Variants in CDKAL1 observed in about 807,000 individuals in gnomAD.
The protein encoded by CDKAL1 is threonylcarbamoyladenosine tRNA methylthiotransferase.
CDKAL1 carries 32 observed loss-of-function variants against 68.2 expected under a neutral mutation model. The ratio of observed to expected loss-of-function variants is 0.47; its 90% CI spans 0.35 to 0.63. CDKAL1 has a LOEUF of 0.63. Ranked by LOEUF, CDKAL1 falls within the 30% of genes least tolerant of loss-of-function variation. The pLI is 0.00. For synonymous variants in CDKAL1, 234 were observed against 244.3 expected, an observed-to-expected ratio of 0.96 and a Z score of 0.39; for missense variants, 606 against 696.7, an observed-to-expected ratio of 0.87 and a Z score of 1.47.
intron 4 of CDKAL1, among the ~76,000 whole-genome samples, chr6:20,563,160 G>C (rs1382367605): frequency 1.3e-5 from 2 of 152,156 alleles, no homozygotes; most frequent in Non-Finnish European, 2.9e-5. Context: ...ATTGCAGTTT[G>C]AGTAAAATTC....
At chr6:21,081,693 T>C (rs1261698185) in intron 12 of CDKAL1, among the ~76,000 whole-genome samples, 2 of 151,186 alleles carry the variant, frequency 1.3e-5, no homozygotes, top group Non-Finnish European at 2.9e-5. Context: ...TGCCTCAGCC[T>C]CCCAAGTAGC....
intron 13 of CDKAL1, among the ~76,000 whole-genome samples, chr6:21,126,512 C>T (rs943074415): frequency 6.6e-6 from 1 of 152,186 alleles, no homozygotes; most frequent in African/African-American, 2.4e-5. Flanking sequence ...TGCTTTTATG[C>T]ATCTGCAGTC....
chr6:20,819,007 TAAAAC>T (rs1314532865), intron 8 of CDKAL1, among the ~76,000 whole-genome samples: 2 of 152,254 alleles, frequency 1.3e-5, no homozygotes, highest in Non-Finnish European at 1.5e-5. Flanking sequence ...CACTTTAAAA[TAAAAC>T]AATCATTTTG....
intron 10 of CDKAL1, among the ~76,000 whole-genome samples, chr6:20,994,832 A>T (rs1767018668): frequency 6.6e-6 from 1 of 152,184 alleles, no homozygotes; most frequent in Non-Finnish European, 1.5e-5. Flanking sequence ...TTTGCTTGTG[A>T]TGGGTCTTGC....
chr6:20,936,300 G>T (rs1227203466), intron 9 of CDKAL1, among the ~76,000 whole-genome samples: 1 of 134,428 alleles, frequency 7.4e-6, no homozygotes, highest in East Asian at 2.2e-4. Context: ...GCCCAGGCTG[G>T]AGTGCAGTGG....
chr6:21,196,304 A>G (rs768594520), intron 13 of CDKAL1, among the ~76,000 whole-genome samples: 6 of 152,236 alleles, frequency 3.9e-5, no homozygotes, highest in African/African-American at 9.6e-5. Context: ...GTGTGCAAAC[A>G]TTCTAAGTTT....
At chr6:21,156,178 T>G (rs1385356264) in intron 13 of CDKAL1, among the ~76,000 whole-genome samples, 2 of 152,092 alleles carry the variant, frequency 1.3e-5, no homozygotes, top group Non-Finnish European at 2.9e-5. Context: ...CCTAGCACTT[T>G]GGGAAGCTGA....
chr6:21,230,927 C>T lies in CDKAL1; in HGVS notation c.1628C>T (p.Ser543Phe). The part of the protein sequence containing the change: ...SAASQCDSAS[S>F]RMVLPMPRLH... ...GCATCTCAGTGTGACTCAGCGAGTT[C>T]CAGAATGGTGCTGCCCATGCCAAGG... Residue 543 changes from serine (S) to phenylalanine (F), a missense_variant, in exon 16 of 16, where the codon TCC (serine) becomes TTC (phenylalanine). Ser to Phe is a radical substitution (Grantham distance 155, BLOSUM62 -2). Coordinates refer to ENST00000274695, the MANE Select transcript of CDKAL1 (RefSeq NM_017774.3). The T allele has an allele frequency of 6.2e-7, 1 of 1,614,102 alleles. No individual in the cohort carries two copies. Among genetic ancestry groups the T allele is most frequent in the East Asian group, 2.2e-5 (1 of 44,880 alleles).
intron 13 of CDKAL1, among the ~76,000 whole-genome samples, chr6:21,121,590 G>A (rs1448740709): frequency 1.3e-5 from 2 of 152,186 alleles, no homozygotes; most frequent in Non-Finnish European, 2.9e-5. Context: ...ATCTAGAATA[G>A]CATCTAGCAC....
At chr6:20,536,102 CTTTT>C (rs34025398) in intron 2 of CDKAL1, among the ~76,000 whole-genome samples, 5 of 138,226 alleles carry the variant, frequency 3.6e-5, no homozygotes, top group Admixed American at 1.5e-4. Flanking sequence ...CTAAATTTTA[CTTTT>C]TTTTTTTTTT....
rs912403435 is a variant in CDKAL1, at chr6:20,934,808, A to G, written c.743-20611A>G. On this transcript the variant is annotated intron_variant, in intron 9 of 15. Coordinates refer to ENST00000274695, the MANE Select transcript of CDKAL1 (RefSeq NM_017774.3). ...CTCTGCAGTGAACTATGATCACGCC[A>G]CTGTACTCCAGCCTGTGCAAGAGAG... Among the ~76,000 whole-genome samples, 3 of 152,082 alleles carry G rather than the reference A, an allele frequency of 2.0e-5. No homozygotes were observed. In the South Asian group the frequency reaches 6.2e-4, roughly 32 times the overall value.
At chr6:20,540,877 C>T (rs549191483) in intron 2 of CDKAL1, among the ~76,000 whole-genome samples, 4 of 152,248 alleles carry the variant, frequency 2.6e-5, no homozygotes, top group East Asian at 3.9e-4. Context: ...TAAGCATAGA[C>T]GTAGTTCATA....
intron 12 of CDKAL1, among the ~76,000 whole-genome samples, chr6:21,097,782 C>G (rs1022329476): frequency 2.0e-5 from 3 of 152,148 alleles, no homozygotes; most frequent in Admixed American, 6.5e-5. Flanking sequence ...TAAATTGACT[C>G]AAAGCAAAAT....
rs118154473 is a variant in CDKAL1 at position 20,715,854 on chromosome 6, G to A, written c.372-23665G>A. Among the ~76,000 whole-genome samples the A allele has an allele frequency of 2.4e-3, 358 of 152,214 alleles. 12 individuals carry two copies. In the East Asian group the frequency reaches 0.064, roughly 27 times the overall value. On this transcript the variant is annotated intron_variant, in intron 5 of 15. Transcript: ENST00000274695. ...TGTATTGCTTTAGTAATAAACAAAA[G>A]CATTAATGAAAACTTCGTTTTGAAA...
intron 9 of CDKAL1, among the ~76,000 whole-genome samples, chr6:20,913,911 A>C (rs1415667358): frequency 6.6e-6 from 1 of 152,186 alleles, no homozygotes; most frequent in Non-Finnish European, 1.5e-5. Flanking sequence ...GGATTGCTTG[A>C]GCCCAGGAGT....
chr6:20,749,082 C>A (rs1255819965), intron 6 of CDKAL1, among the ~76,000 whole-genome samples: 2 of 151,910 alleles, frequency 1.3e-5, no homozygotes, highest in Non-Finnish European at 2.9e-5. Flanking sequence ...GATAGTAAAA[C>A]CCCAGCCAGA....
intron 5 of CDKAL1, among the ~76,000 whole-genome samples, chr6:20,709,931 G>A (rs750161461): frequency 2.6e-5 from 4 of 152,136 alleles, no homozygotes; most frequent in Non-Finnish European, 5.9e-5. Flanking sequence ...TCTCTCCCGA[G>A]TATTGGCAAA....
At chr6:20,588,214 G>C (rs1322292801) in intron 4 of CDKAL1, among the ~76,000 whole-genome samples, 1 of 152,220 alleles carries the variant, frequency 6.6e-6, no homozygotes, top group African/African-American at 2.4e-5. Flanking sequence ...AATTAAGGCT[G>C]ATCCTTGATT....
intron 4 of CDKAL1, among the ~76,000 whole-genome samples, chr6:20,611,653 T>C (rs1766622214): frequency 6.6e-6 from 1 of 152,172 alleles, no homozygotes; most frequent in African/African-American, 2.4e-5. Flanking sequence ...TGGGTACGTG[T>C]AATATTTTGT....
Sources: gnomAD v4.1 joint callset for allele counts (sites outside exome capture counted in the v4.1 genomes callset) on GRCh38, gnomAD v4.1.1 for gene constraint, MANE v1.5 for transcripts, NCBI Gene and HGNC (gene_info 2026-07-23, HGNC 2026-07-21) for gene names.